The following TRERF1 variants were observed in gnomAD, a reference collection of about 807,000 sequenced individuals.
The protein encoded by TRERF1 is transcriptional-regulating factor 1.
TRERF1 carries 27 observed loss-of-function variants against 122.9 expected under a neutral mutation model. The observed-to-expected ratio is 0.22, with a 90% confidence interval of 0.16 to 0.30. The LOEUF (loss-of-function observed/expected upper bound fraction) is 0.30. Among genes scored for constraint, TRERF1 ranks in the 10% least tolerant of loss-of-function variants. The pLI, the probability that TRERF1 is intolerant of heterozygous loss-of-function variation, is 1.00. For missense variants in TRERF1, 1,248 were observed against 1,560.3 expected (o/e 0.80, Z 3.37); for synonymous variants, 636 against 641.7 (o/e 0.99, Z 0.13).
At chr6:42,370,805 C>T (rs1773622995) in intron 2 of TRERF1, among the ~76,000 whole-genome samples, 1 of 152,184 alleles carries the variant, frequency 6.6e-6, no homozygotes. Context: ...TATAAAGCCC[C>T]TTCCAGAGCC....
intron 17 of TRERF1, among the ~76,000 whole-genome samples, chr6:42,230,183 G>C (rs1253694246): frequency 1.3e-5 from 2 of 152,084 alleles, no homozygotes; most frequent in Non-Finnish European, 2.9e-5. Context: ...ATTCTGCTTG[G>C]ACACACTGAA....
At chr6:42,367,276 C>A (rs376025933) in intron 2 of TRERF1, among the ~76,000 whole-genome samples, 10 of 152,130 alleles carry the variant, frequency 6.6e-5, no homozygotes, top group Non-Finnish European at 1.3e-4. Flanking sequence ...AGCACAGAGG[C>A]CACAGAGCAT....
chr6:42,444,017 G>A (rs1038899915), intron 2 of TRERF1, among the ~76,000 whole-genome samples: 1 of 151,980 alleles, frequency 6.6e-6, no homozygotes, highest in Non-Finnish European at 1.5e-5. Flanking sequence ...CTCGGAGGTC[G>A]ACTAGTCCAG....
rs10627056 is a variant in TRERF1, at chr6:42,299,116, C to CTG, written c.-259+1521_-259+1522insCA. ...TCTATCTGTCTGTCTGTCTGTCTGT[C>CTG]TCTATCTATCTATCTATCTACATAT... is the stretch of plus-strand genomic sequence containing the variant. On this transcript the variant is annotated intron_variant, in intron 4 of 17. Transcript: ENST00000372922. Among the ~76,000 whole-genome samples, 348 of 141,230 alleles carry CTG rather than the reference C, an allele frequency of 2.5e-3. 3 individuals are homozygous for CTG. The highest frequency in any genetic ancestry group is 3.8e-3 in the African/African-American group (140 of 37,264). 92.7% of individuals were successfully genotyped at this position (141,230 alleles called of 152,430 possible). A position where few individuals can be genotyped will look rare whatever the true frequency, so the allele number is the denominator to read the frequency against.
At chr6:42,300,399 G>A (rs538320663) in intron 4 of TRERF1, among the ~76,000 whole-genome samples, 8 of 152,280 alleles carry the variant, frequency 5.3e-5, no homozygotes, top group African/African-American at 1.9e-4. Context: ...GGTGGTGGAA[G>A]AATAATAAGA....
intron 3 of TRERF1, among the ~76,000 whole-genome samples, chr6:42,323,193 A>G (rs1480652594): frequency 2.8e-5 from 4 of 142,582 alleles, no homozygotes; most frequent in African/African-American, 1.1e-4. Context: ...ACTTTCCCCC[A>G]GTTTTTTTTT....
chr6:42,382,738 C>T (rs1245624439), intron 2 of TRERF1, among the ~76,000 whole-genome samples: 1 of 151,968 alleles, frequency 6.6e-6, no homozygotes, highest in East Asian at 1.9e-4. Flanking sequence ...TTTTGCTTTA[C>T]ATCAGGGCTT....
intron 2 of TRERF1, among the ~76,000 whole-genome samples, chr6:42,438,212 G>A (rs1265486521): frequency 6.6e-6 from 1 of 151,444 alleles, no homozygotes; most frequent in Non-Finnish European, 1.5e-5. Flanking sequence ...GTGAGCCACC[G>A]TGAGCGGCTT....
intron 12 of TRERF1, among the ~76,000 whole-genome samples, chr6:42,256,258 G>A (rs1776725534): frequency 1.3e-5 from 2 of 152,244 alleles, no homozygotes; most frequent in South Asian, 4.1e-4. Context: ...TGGAAGAATG[G>A]AACCAGTTGG....
intron 2 of TRERF1, among the ~76,000 whole-genome samples, chr6:42,439,989 G>A (rs1213099417): frequency 6.6e-6 from 1 of 152,120 alleles, no homozygotes; most frequent in Non-Finnish European, 1.5e-5. Flanking sequence ...CAGCCATTGG[G>A]ACAATCCTAA....
chr6:42,334,346 T>C (rs1043812850), intron 3 of TRERF1, among the ~76,000 whole-genome samples: 1 of 152,148 alleles, frequency 6.6e-6, no homozygotes, highest in Non-Finnish European at 1.5e-5. Flanking sequence ...ACTTCCACCA[T>C]TACTACCCTG....
chr6:42,261,747 G>A (rs1313297886), intron 8 of TRERF1, among the ~76,000 whole-genome samples: 1 of 152,090 alleles, frequency 6.6e-6, no homozygotes, highest in Non-Finnish European at 1.5e-5. Flanking sequence ...CCACCTACAT[G>A]CTTCCACTTC....
intron 3 of TRERF1, among the ~76,000 whole-genome samples, chr6:42,306,534 T>C (rs1787294936): frequency 6.6e-6 from 1 of 152,186 alleles, no homozygotes. Flanking sequence ...CACCACAGGC[T>C]AACATGGGTG....
intron 3 of TRERF1, among the ~76,000 whole-genome samples, chr6:42,302,462 T>TC (rs146602183): frequency 0.02 from 3,086 of 152,324 alleles, 111 homozygotes; most frequent in East Asian, 0.096. Context: ...ACTTCCTTTT[T>TC]CAAAGCCTTG....
rs1369146910 is a variant in TRERF1 at position 42,414,046 on chromosome 6, A to C, written c.-454+37131T>G. Among the ~76,000 whole-genome samples, 4 of 152,358 alleles carry C rather than the reference A, an allele frequency of 2.6e-5. No homozygotes were observed. The East Asian group carries it at 7.7e-4, about 29-fold the overall frequency. On this transcript the variant is annotated intron_variant, in intron 2 of 17. Transcript: ENST00000372922. Reference sequence around the variant, plus strand: ...ACCCAATAAAAGTGCCACTGATACAAGGAATTTTATGTGCAATCTTCAGAT... The same window carrying C: ...ACCCAATAAAAGTGCCACTGATACACGGAATTTTATGTGCAATCTTCAGAT...
At chr6:42,410,149 ACT>A (rs1396993067) in intron 2 of TRERF1, among the ~76,000 whole-genome samples, 3 of 151,406 alleles carry the variant, frequency 2.0e-5, no homozygotes, top group South Asian at 2.1e-4. Context: ...ATATTTCAAG[ACT>A]CTTTTTTTGA....
At chr6:42,271,498 C>T (rs1206044984) in intron 4 of TRERF1, among the ~76,000 whole-genome samples, 3 of 152,080 alleles carry the variant, frequency 2.0e-5, no homozygotes, top group African/African-American at 7.2e-5. Context: ...TGGTCATTCT[C>T]ACTCTGCTGT....
intron 2 of TRERF1, among the ~76,000 whole-genome samples, chr6:42,416,889 G>GT (rs1781906713): frequency 6.6e-6 from 1 of 151,888 alleles, no homozygotes; most frequent in African/African-American, 2.4e-5. Context: ...TAGTGTCTGG[G>GT]TTTTTTGTGT....
chr6:42,361,571 C>T (rs1029869643), intron 3 of TRERF1, among the ~76,000 whole-genome samples: 1 of 152,182 alleles, frequency 6.6e-6, no homozygotes, highest in Admixed American at 6.5e-5. Context: ...CTTTTCAAGT[C>T]TGAAAAGGAC....
Sources: gnomAD v4.1 joint callset for allele counts (sites outside exome capture counted in the v4.1 genomes callset) on GRCh38, gnomAD v4.1.1 for gene constraint, MANE v1.5 for transcripts, NCBI Gene and HGNC (gene_info 2026-07-23, HGNC 2026-07-21) for gene names.